SPMIP2: variants seen among roughly 807,000 people sequenced by gnomAD.
The protein encoded by SPMIP2 is protein SPMIP2.
chr4:159,082,449 C>CTGTGTGTGTG, the SPMIP2 span, among the ~76,000 whole-genome samples: 4,759 of 111,378 alleles, frequency 0.043, 118 homozygotes, highest in East Asian at 0.089. Flanking sequence ...CCACTTTTCT[C>CTGTGTGTGTG]TGTGTGTGTG....
chr4:158,953,081 C>T, the SPMIP2 span, among the ~76,000 whole-genome samples: 1 of 152,158 alleles, frequency 6.6e-6, no homozygotes. Context: ...TTCAAGCTGG[C>T]AGCAGAAATT....
the SPMIP2 span, among the ~76,000 whole-genome samples, chr4:158,968,873 C>T: frequency 6.6e-6 from 1 of 152,062 alleles, no homozygotes; most frequent in African/African-American, 2.4e-5. Context: ...TCCATAAAAC[C>T]GTCACAAAGA....
At chr4:159,082,761 A>T in the SPMIP2 span, among the ~76,000 whole-genome samples, 1 of 152,222 alleles carries the variant, frequency 6.6e-6, no homozygotes, top group Non-Finnish European at 1.5e-5. Flanking sequence ...ATTCAATTCA[A>T]CTACTTACCT....
At chr4:159,050,397 G>T in the SPMIP2 span, among the ~76,000 whole-genome samples, 40 of 151,520 alleles carry the variant, frequency 2.6e-4, no homozygotes, top group African/African-American at 9.0e-4. Context: ...ATAAAAAGAA[G>T]GGAGGGGGAA....
chr4:158,905,799 C>CTT, the SPMIP2 span: 1 of 151,508 alleles, frequency 6.6e-6, no homozygotes, highest in Non-Finnish European at 1.5e-5. Flanking sequence ...AAGTAAAAGA[C>CTT]TTTTAAATAT....
At chr4:159,074,208 C>CT in the SPMIP2 span, among the ~76,000 whole-genome samples, 1 of 151,852 alleles carries the variant, frequency 6.6e-6, no homozygotes, top group African/African-American at 2.4e-5. Flanking sequence ...TTCAATAGCA[C>CT]TTTTTTTTAG....
the SPMIP2 span, among the ~76,000 whole-genome samples, chr4:159,065,999 G>GT: frequency 6.6e-6 from 1 of 152,192 alleles, no homozygotes; most frequent in Non-Finnish European, 1.5e-5. Flanking sequence ...TTGTGGCTAT[G>GT]TATGTGTCTT....
the SPMIP2 span, among the ~76,000 whole-genome samples, chr4:159,075,919 A>C: frequency 1.3e-5 from 2 of 152,132 alleles, no homozygotes; most frequent in Non-Finnish European, 1.5e-5. Context: ...GCAGAAAAAA[A>C]ACCCTGGCTG....
the SPMIP2 span, among the ~76,000 whole-genome samples, chr4:159,004,289 C>CTTTT: frequency 0.012 from 971 of 78,860 alleles, 97 homozygotes; most frequent in African/African-American, 0.035. Context: ...ACTCTGTGCT[C>CTTTT]TTTTTTTTTT....
the SPMIP2 span, among the ~76,000 whole-genome samples, chr4:159,031,315 C>G: frequency 1.2e-3 from 181 of 152,264 alleles, 1 homozygote; most frequent in Non-Finnish European, 2.1e-3. Flanking sequence ...TATAATCAAG[C>G]CTCTAGAGCC....
chr4:158,904,361 C>G, the SPMIP2 span: 1 of 996,038 alleles, frequency 1.0e-6, no homozygotes, highest in South Asian at 1.4e-5. Flanking sequence ...GATAATCTAT[C>G]AAACTTAGTA....
chr4:158,948,301 G>T, the SPMIP2 span, among the ~76,000 whole-genome samples: 1 of 151,724 alleles, frequency 6.6e-6, no homozygotes, highest in Non-Finnish European at 1.5e-5. Context: ...CTCTTGGGGG[G>T]AAAAAAAGCT....
At chr4:158,911,388 T>TAAATAAATA in the SPMIP2 span, among the ~76,000 whole-genome samples, 19 of 148,582 alleles carry the variant, frequency 1.3e-4, no homozygotes, top group Admixed American at 5.3e-4. Context: ...ATAAATAAAA[T>TAAATAAATA]AAATAAAAGC....
chr4:159,023,028 CAATAA>C, the SPMIP2 span, among the ~76,000 whole-genome samples: 48,200 of 136,404 alleles, frequency 0.35, 8,980 homozygotes, highest in South Asian at 0.43. Flanking sequence ...GACTCCATCT[CAATAA>C]AATAAAATAA....
At chr4:158,895,642 TGA>T in the SPMIP2 span, 10 of 680,274 alleles carry the variant, frequency 1.5e-5, no homozygotes, top group South Asian at 1.6e-4. Flanking sequence ...TTGAAACTGA[TGA>T]GATAAAAGCT....
the SPMIP2 span, among the ~76,000 whole-genome samples, chr4:159,066,472 A>T: frequency 6.6e-6 from 1 of 151,962 alleles, no homozygotes; most frequent in African/African-American, 2.4e-5. Flanking sequence ...ACCTTCAAAA[A>T]GCTATGTCCT....
the SPMIP2 span, among the ~76,000 whole-genome samples, chr4:159,063,626 C>G: frequency 6.6e-6 from 1 of 151,944 alleles, no homozygotes; most frequent in African/African-American, 2.4e-5. Context: ...TGGCTCTTTT[C>G]ATTGAGAGTT....
the SPMIP2 span, among the ~76,000 whole-genome samples, chr4:158,994,154 G>A: frequency 6.6e-6 from 1 of 152,162 alleles, no homozygotes; most frequent in African/African-American, 2.4e-5. Flanking sequence ...GTAAGCTCTT[G>A]GAGAAGAGTT....
the SPMIP2 span, among the ~76,000 whole-genome samples, chr4:159,066,785 A>C: frequency 6.6e-6 from 1 of 151,926 alleles, no homozygotes. Flanking sequence ...AATTTATACC[A>C]GGGGTTGGCA....
Sources: allele counts gnomAD v4.1 joint callset (sites outside exome capture counted in the v4.1 genomes callset), GRCh38; gene constraint gnomAD v4.1.1; transcripts MANE v1.5; gene names NCBI Gene and HGNC (gene_info 2026-07-23, HGNC 2026-07-21).